ADRA1B: variants seen among roughly 807,000 people sequenced by gnomAD.
ADRA1B encodes the protein adrenoceptor alpha 1B.
ADRA1B carries 17 observed loss-of-function variants against 17.9 expected under a neutral mutation model. The observed-to-expected ratio is 0.95, with a 90% CI of 0.65 to 1.42. The LOEUF is 1.42. Among genes scored for constraint, ADRA1B ranks in the 40% most tolerant of loss-of-function variants. The pLI is 0.00. For synonymous variants in ADRA1B, 366 were observed against 327.6 expected (o/e 1.12, Z -1.27); for missense variants, 681 against 722.1 (o/e 0.94, Z 0.65).
chr5:159,917,445 T>C lies in ADRA1B; in HGVS notation c.540T>C (p.Pro180=). 1 of 1,614,072 alleles carries C rather than the reference T, an allele frequency of 6.2e-7. No individual in the cohort carries two copies. Among genetic ancestry groups the C allele is most frequent in the Non-Finnish European group, 8.5e-7 (1 of 1,180,010 alleles). The part of the protein sequence containing the change: ...WVLSTVISIG[P]LLGWKEPAPN... ...TGTCCACCGTCATCTCCATCGGGCCTCTCCTTGGGTGGAAGGAGCCGGCAC... is the reference window on the plus strand; with the variant it reads ...TGTCCACCGTCATCTCCATCGGGCCCCTCCTTGGGTGGAAGGAGCCGGCAC... The change falls in exon 1 of 2, where the codon CCT becomes CCC. Residue 180 remains proline, a synonymous_variant. Transcript: ENST00000306675.
intron 1 of ADRA1B, among the ~76,000 whole-genome samples, chr5:159,962,337 A>C (rs1180740809): frequency 2.0e-5 from 3 of 152,126 alleles, no homozygotes; most frequent in African/African-American, 7.2e-5. Context: ...ATTTCATTTA[A>C]AAACTGTCTT....
At chr5:159,984,196 T>G in the ADRA1B span, among the ~76,000 whole-genome samples, 5,939 of 152,146 alleles carry the variant, frequency 0.039, 210 homozygotes, top group Middle Eastern at 0.088. Flanking sequence ...ACTCCCTGGT[T>G]ACCTCCTCCA....
intron 1 of ADRA1B, among the ~76,000 whole-genome samples, chr5:159,929,452 ATTT>A (rs113859197): frequency 4.3e-5 from 6 of 140,278 alleles, no homozygotes; most frequent in African/African-American, 1.6e-4. Flanking sequence ...TGGTTTTTGT[ATTT>A]TTTTTTTTTT....
At chr5:159,967,433 T>A (rs145547922) in intron 1 of ADRA1B, among the ~76,000 whole-genome samples, 1 of 152,338 alleles carries the variant, frequency 6.6e-6, no homozygotes, top group Non-Finnish European at 1.5e-5. Flanking sequence ...GGTCAGGATA[T>A]AAAGTATATT....
chr5:159,879,270 G>A (rs997211387), intron 1 of ADRA1B, among the ~76,000 whole-genome samples: 5 of 152,132 alleles, frequency 3.3e-5, no homozygotes, highest in Admixed American at 6.5e-5. Flanking sequence ...AGTGACTGAC[G>A]ATGGACCAGC....
At chr5:159,957,929 C>CAAAAAAAAAAAAAAAA (rs35956137) in intron 1 of ADRA1B, among the ~76,000 whole-genome samples, 25 of 66,836 alleles carry the variant, frequency 3.7e-4, no homozygotes, top group South Asian at 9.7e-4. Context: ...AACCCCATCT[C>CAAAAAAAAAAAAAAAA]AAAAAAAAAA....
chr5:159,895,472 A>C (rs1754032000), intron 1 of ADRA1B, among the ~76,000 whole-genome samples: 1 of 152,232 alleles, frequency 6.6e-6, no homozygotes, highest in South Asian at 2.1e-4. Flanking sequence ...GGGGACACCA[A>C]AGTTACACAG....
chr5:159,899,926 A>G (rs1754083735), intron 1 of ADRA1B, among the ~76,000 whole-genome samples: 1 of 152,372 alleles, frequency 6.6e-6, no homozygotes, highest in South Asian at 2.1e-4. Flanking sequence ...TCTGGAATGT[A>G]CAGTGGATGT....
At chr5:159,950,793 G>A in intron 1 of ADRA1B, 1 of 601,380 alleles carries the variant, frequency 1.7e-6, no homozygotes, top group Non-Finnish European at 3.1e-6. Context: ...CGTTGGTGAT[G>A]TGGACACAGA....
chr5:159,942,255 G>A (rs1007324621), intron 1 of ADRA1B, among the ~76,000 whole-genome samples: 2 of 152,108 alleles, frequency 1.3e-5, no homozygotes, highest in African/African-American at 4.8e-5. Flanking sequence ...TGATGAAATT[G>A]TCCTGTAATT....
chr5:159,944,185 G>C (rs1027872231), intron 1 of ADRA1B, among the ~76,000 whole-genome samples: 2 of 151,980 alleles, frequency 1.3e-5, no homozygotes, highest in Admixed American at 1.3e-4. Flanking sequence ...CTCTTCTAAA[G>C]ATACCAATTT....
intron 1 of ADRA1B, among the ~76,000 whole-genome samples, chr5:159,872,883 C>T (rs568440854): frequency 3.3e-5 from 5 of 152,020 alleles, no homozygotes; most frequent in Non-Finnish European, 5.9e-5. Context: ...GGTTTTAAGC[C>T]CCACATGCAT....
intron 1 of ADRA1B, among the ~76,000 whole-genome samples, chr5:159,938,826 A>ACT (rs1292344145): frequency 6.6e-6 from 1 of 152,228 alleles, no homozygotes; most frequent in African/African-American, 2.4e-5. Flanking sequence ...ACCAAAGAAG[A>ACT]CTCTTAAGTC....
At chr5:159,971,765 G>A in intron 1 of ADRA1B, 114 bp from the exon 2 acceptor site, 1 of 1,152,876 alleles carries the variant, frequency 8.7e-7, no homozygotes, top group Middle Eastern at 2.2e-4. Context: ...GGAAAGGCCT[G>A]GCGGCAGGAA....
chr5:159,894,805 T>C (rs906190537), intron 1 of ADRA1B, among the ~76,000 whole-genome samples: 1 of 152,136 alleles, frequency 6.6e-6, no homozygotes. Context: ...AGGAAGGTGA[T>C]GTTGTCACTG....
chr5:159,941,057 C>T (rs960867803), intron 1 of ADRA1B, among the ~76,000 whole-genome samples: 4 of 152,164 alleles, frequency 2.6e-5, no homozygotes, highest in Non-Finnish European at 5.9e-5. Context: ...ATCACTTCTC[C>T]GATAACTTTA....
upstream of ADRA1B, among the ~76,000 whole-genome samples, chr5:159,915,435 T>A (rs1754278842): frequency 6.6e-6 from 1 of 152,212 alleles, no homozygotes; most frequent in African/African-American, 2.4e-5. Context: ...TAACATAAAG[T>A]TCTTTGGCTT....
intron 1 of ADRA1B, among the ~76,000 whole-genome samples, chr5:159,905,606 C>G (rs1037635875): frequency 1.3e-5 from 2 of 152,222 alleles, no homozygotes; most frequent in African/African-American, 2.4e-5. Flanking sequence ...CTGCCCTGCT[C>G]TCATTGAGCC....
upstream of ADRA1B, among the ~76,000 whole-genome samples, chr5:159,914,706 A>G (rs1352512601): frequency 6.6e-6 from 1 of 152,178 alleles, no homozygotes; most frequent in Non-Finnish European, 1.5e-5. Context: ...AAAAATAAAA[A>G]TAAAAAGAGG....
Sources: allele counts gnomAD v4.1 joint callset (sites outside exome capture counted in the v4.1 genomes callset), GRCh38; gene constraint gnomAD v4.1.1; transcripts MANE v1.5; gene names NCBI Gene and HGNC (gene_info 2026-07-23, HGNC 2026-07-21).